PTPRG: variants seen among roughly 807,000 people sequenced by gnomAD.
PTPRG encodes protein tyrosine phosphatase receptor type G.
PTPRG carries 102 observed loss-of-function variants against 165.3 expected under a neutral mutation model. That is an observed-to-expected ratio of 0.62 (90% CI 0.53 to 0.73). The LOEUF (loss-of-function observed/expected upper bound fraction) is 0.73, where lower values mean the gene tolerates loss of function less well. Ranked by LOEUF, PTPRG falls within the 30% of genes least tolerant of loss-of-function variation. The pLI is 0.00. For synonymous variants in PTPRG, 675 were observed against 669.5 expected, an observed-to-expected ratio of 1.01 and a Z score of -0.13; for missense variants, 1,866 against 1,861.4, an observed-to-expected ratio of 1.00 and a Z score of -0.05.
intron 1 of PTPRG, among the ~76,000 whole-genome samples, chr3:61,575,107 C>G (rs1047214961): frequency 2.6e-5 from 4 of 152,212 alleles, no homozygotes; most frequent in Non-Finnish European, 5.9e-5. Flanking sequence ...AGAGTTCTTT[C>G]TGAACATATT....
intron 2 of PTPRG, among the ~76,000 whole-genome samples, chr3:61,922,488 G>C (rs1376052245): frequency 6.6e-6 from 1 of 152,234 alleles, no homozygotes; most frequent in African/African-American, 2.4e-5. Context: ...GTGAGTGTGT[G>C]TGTGTGTACG....
intron 2 of PTPRG, among the ~76,000 whole-genome samples, chr3:61,768,444 C>T (rs2034103485): frequency 1.3e-5 from 2 of 152,196 alleles, no homozygotes; most frequent in African/African-American, 2.4e-5. Context: ...GTTGGAGTCT[C>T]TCTTTGCCAG....
At chr3:61,854,228 C>A (rs1216591556) in intron 2 of PTPRG, among the ~76,000 whole-genome samples, 1 of 152,092 alleles carries the variant, frequency 6.6e-6, no homozygotes, top group Admixed American at 6.6e-5. Flanking sequence ...ACCTCCTTGC[C>A]CTTTGGTTTT....
chr3:62,020,892 C>A (rs1377824486), intron 4 of PTPRG, among the ~76,000 whole-genome samples: 1 of 147,564 alleles, frequency 6.8e-6, no homozygotes, highest in Non-Finnish European at 1.5e-5. Context: ...CCAGGTTGAT[C>A]TTCAGCCCCT....
At chr3:62,253,851 T>G (rs1013956738) in intron 15 of PTPRG, among the ~76,000 whole-genome samples, 1 of 152,208 alleles carries the variant, frequency 6.6e-6, no homozygotes, top group African/African-American at 2.4e-5. Flanking sequence ...CAGGAAGAAT[T>G]TGTACTTACA....
intron 5 of PTPRG, among the ~76,000 whole-genome samples, chr3:62,092,454 AAAAAAG>A (rs1204044850): frequency 5.3e-5 from 8 of 150,948 alleles, no homozygotes; most frequent in Admixed American, 3.9e-4. Flanking sequence ...AAAAAAAAAA[AAAAAAG>A]AAAAAGACAA....
intron 6 of PTPRG, among the ~76,000 whole-genome samples, chr3:62,138,399 A>G (rs1412594286): frequency 1.3e-5 from 2 of 152,298 alleles, no homozygotes; most frequent in Middle Eastern, 3.4e-3. Context: ...TTGCATCAAC[A>G]ATTTTACCTA....
intron 2 of PTPRG, among the ~76,000 whole-genome samples, chr3:61,966,830 A>C (rs546297971): frequency 1.3e-5 from 2 of 152,270 alleles, no homozygotes; most frequent in South Asian, 4.1e-4. Context: ...CATAGCAAGC[A>C]CTTTGTTTCT....
chr3:62,105,595 G>A (rs1197835527), intron 5 of PTPRG, among the ~76,000 whole-genome samples: 1 of 152,206 alleles, frequency 6.6e-6, no homozygotes, highest in Non-Finnish European at 1.5e-5. Context: ...AAGGTTTCCT[G>A]AAGACTTTCT....
chr3:61,845,643 A>G (rs2036785454), intron 2 of PTPRG, among the ~76,000 whole-genome samples: 1 of 152,218 alleles, frequency 6.6e-6, no homozygotes, highest in Non-Finnish European at 1.5e-5. Context: ...GGAAGATGAA[A>G]AAAGGAAGCT....
intron 2 of PTPRG, among the ~76,000 whole-genome samples, chr3:61,904,907 A>C (rs1575770020): frequency 6.8e-6 from 1 of 148,026 alleles, no homozygotes; most frequent in Middle Eastern, 3.5e-3. Flanking sequence ...CTAATTGGAA[A>C]GCCTTTTTTT....
chr3:62,276,840 TA>T, intron 24 of PTPRG, 131 bp from the exon 25 acceptor site: 1 of 688,904 alleles, frequency 1.5e-6, no homozygotes, highest in Non-Finnish European at 2.5e-6. Flanking sequence ...TTAGCTTGTT[TA>T]AAAATATAGA....
chr3:62,040,557 G>T (rs919859467), intron 4 of PTPRG, among the ~76,000 whole-genome samples: 1 of 152,168 alleles, frequency 6.6e-6, no homozygotes, highest in Middle Eastern at 3.2e-3. Context: ...GGGTTCAAGC[G>T]ATTCTCCTGC....
chr3:61,737,076 C>G (rs2032749635), intron 1 of PTPRG, among the ~76,000 whole-genome samples: 2 of 152,132 alleles, frequency 1.3e-5, no homozygotes. Flanking sequence ...TTTCCTGCCT[C>G]AACATCCTTG....
At chr3:62,110,222 A>T (rs570143186) in intron 5 of PTPRG, among the ~76,000 whole-genome samples, 1 of 148,460 alleles carries the variant, frequency 6.7e-6, no homozygotes, top group African/African-American at 2.5e-5. Flanking sequence ...TGCTCAAATT[A>T]CTGACGTGGT....
chr3:61,947,291 C>G (rs755242510), intron 2 of PTPRG, among the ~76,000 whole-genome samples: 14 of 152,088 alleles, frequency 9.2e-5, no homozygotes, highest in Non-Finnish European at 8.8e-5. Flanking sequence ...AAATTGACAA[C>G]AATTTATGAA....
At chr3:62,113,493 T>C (rs1209074793) in intron 5 of PTPRG, among the ~76,000 whole-genome samples, 1 of 152,206 alleles carries the variant, frequency 6.6e-6, no homozygotes, top group Non-Finnish European at 1.5e-5. Context: ...AATCGTAAAA[T>C]ACACATACCA....
intron 2 of PTPRG, among the ~76,000 whole-genome samples, chr3:61,784,315 G>A (rs2034631622): frequency 6.6e-6 from 1 of 152,202 alleles, no homozygotes. Flanking sequence ...TGAGCGAGAA[G>A]CAGCCGTCAT....
chr3:61,701,237 C>G (rs1334665344), intron 1 of PTPRG, among the ~76,000 whole-genome samples: 1 of 152,114 alleles, frequency 6.6e-6, no homozygotes, highest in Non-Finnish European at 1.5e-5. Context: ...ACTGTGTTTC[C>G]TCATGGTCTT....
Sources: allele counts gnomAD v4.1 joint callset (sites outside exome capture counted in the v4.1 genomes callset), GRCh38; gene constraint gnomAD v4.1.1; transcripts MANE v1.5; gene names NCBI Gene and HGNC (gene_info 2026-07-23, HGNC 2026-07-21).